Variants in KIRREL1 observed in about 807,000 individuals in gnomAD.
KIRREL1 encodes kin of IRRE-like protein 1.
In KIRREL1, 25 loss-of-function variants were observed where a neutral mutation model predicts 83.3. That is an observed-to-expected ratio of 0.30 (90% CI 0.22 to 0.42). The LOEUF is 0.42. Among genes scored for constraint, KIRREL1 ranks in the 10% least tolerant of loss-of-function variants. The pLI, the probability that KIRREL1 is intolerant of heterozygous loss-of-function variation, is 1.00. For synonymous variants in KIRREL1, 388 were observed against 410.4 expected (o/e 0.95, Z 0.66); for missense variants, 812 against 1,032.3 (o/e 0.79, Z 2.92).
At chr1:158,039,851 G>A (rs957162977) in intron 1 of KIRREL1, among the ~76,000 whole-genome samples, 1 of 152,238 alleles carries the variant, frequency 6.6e-6, no homozygotes, top group Non-Finnish European at 1.5e-5. Context: ...GAGCTTGTCT[G>A]TCTTGTTCTT....
intron 1 of KIRREL1, among the ~76,000 whole-genome samples, chr1:158,075,821 G>A (rs1253897249): frequency 2.0e-5 from 3 of 152,174 alleles, no homozygotes; most frequent in African/African-American, 7.2e-5. Flanking sequence ...AAATGAGAGG[G>A]TTGGACTAGA....
rs141186517 is a variant in KIRREL1 at position 158,001,135 on chromosome 1, C to A, written c.52+7407C>A. Among the ~76,000 whole-genome samples the A allele has an allele frequency of 3.0e-3, 454 of 152,282 alleles. 1 individual carries two copies. The highest frequency in any genetic ancestry group is 0.01 in the African/African-American group (436 of 41,554). ...TGGATGCCTTTTCTTTTTGCCCCTT[C>A]TTTCCTTCTGAGGCAGTCTGAGGAA... On this transcript the variant is annotated intron_variant, in intron 1 of 14. Transcript: ENST00000359209.
intron 11 of KIRREL1, among the ~76,000 whole-genome samples, chr1:158,092,598 C>T (rs932054292): frequency 3.9e-5 from 6 of 152,136 alleles, no homozygotes; most frequent in African/African-American, 1.4e-4. Flanking sequence ...TCACCCACCT[C>T]GGCCTCCCAA....
chr1:158,037,018 G>T lies in KIRREL1; in HGVS notation c.53-39095G>T, dbSNP rs1394374584. 4.6e-5 allele frequency among the ~76,000 whole-genome samples: 7 copies of T among 152,248 alleles called. No homozygotes were observed. The South Asian group carries it at 1.5e-3, about 32-fold the overall frequency. ...GGACAGTCTCAGCTGGGCCCTTCAG[G>T]GCCTCCCGTGTCTCCTTTGGTTCTC... On this transcript the variant is annotated intron_variant, in intron 1 of 14. Coordinates refer to ENST00000359209, the MANE Select transcript of KIRREL1 (RefSeq NM_018240.7).
At chr1:158,004,507 C>A (rs1332308153) in intron 1 of KIRREL1, among the ~76,000 whole-genome samples, 1 of 152,170 alleles carries the variant, frequency 6.6e-6, no homozygotes, top group African/African-American at 2.4e-5. Flanking sequence ...TGTCTTGGAT[C>A]TGGAAACTGA....
chr1:157,996,470 TG>T (rs1659206688), intron 1 of KIRREL1, among the ~76,000 whole-genome samples: 1 of 151,890 alleles, frequency 6.6e-6, no homozygotes, highest in Non-Finnish European at 1.5e-5. Context: ...GGGATGGATG[TG>T]GGGGCAGGAG....
chr1:158,063,173 T>A (rs1417033440), intron 1 of KIRREL1, among the ~76,000 whole-genome samples: 1 of 152,222 alleles, frequency 6.6e-6, no homozygotes, highest in African/African-American at 2.4e-5. Flanking sequence ...ATACCTACTC[T>A]GTGGCAAGCA....
At chr1:158,057,046 C>T (rs941992012) in intron 1 of KIRREL1, among the ~76,000 whole-genome samples, 7 of 152,162 alleles carry the variant, frequency 4.6e-5, no homozygotes, top group Non-Finnish European at 5.9e-5. Flanking sequence ...TTCCTTCCTT[C>T]GTTCATTCAT....
intron 1 of KIRREL1, among the ~76,000 whole-genome samples, chr1:158,007,649 A>G (rs1054845446): frequency 6.6e-6 from 1 of 152,014 alleles, no homozygotes; most frequent in Non-Finnish European, 1.5e-5. Flanking sequence ...CAGCATGGGC[A>G]GCCTGTCCTG....
intron 1 of KIRREL1, among the ~76,000 whole-genome samples, chr1:158,062,597 C>G (rs1181347812): frequency 6.6e-6 from 1 of 152,234 alleles, no homozygotes; most frequent in Non-Finnish European, 1.5e-5. Flanking sequence ...CAGAAAGTGC[C>G]TCGTTCTCCC....
chr1:158,038,584 C>A (rs917427933), intron 1 of KIRREL1, among the ~76,000 whole-genome samples: 24 of 151,132 alleles, frequency 1.6e-4, no homozygotes, highest in East Asian at 5.8e-4. Context: ...CTTGGCCCCC[C>A]CAAAACACTG....
chr1:158,031,254 AAAT>A (rs1372824473), intron 1 of KIRREL1: 1 of 152,156 alleles, frequency 6.6e-6, no homozygotes, highest in East Asian at 1.9e-4. Flanking sequence ...TCCTAATATC[AAAT>A]AATAACTAGG....
At chr1:158,075,609 T>C (rs750869941) in intron 1 of KIRREL1, among the ~76,000 whole-genome samples, 1 of 152,028 alleles carries the variant, frequency 6.6e-6, no homozygotes, top group African/African-American at 2.4e-5. Flanking sequence ...TGCACATGAG[T>C]GTTGGTTCAC....
chr1:158,074,588 A>AC (rs1490894201), intron 1 of KIRREL1, among the ~76,000 whole-genome samples: 2 of 152,210 alleles, frequency 1.3e-5, no homozygotes, highest in African/African-American at 4.8e-5. Context: ...GAGAGAGGAA[A>AC]CCCCGTACAT....
At position 158,076,169 on chromosome 1, in the gene KIRREL1, C is replaced by A. The variant is rs771052077; in HGVS notation, c.109C>A (p.Arg37=). ...TGACCAGACGGTGGTGGCTGGACAG[C>A]GGGCCGTGCTCCCCTGTGTGCTGCT... ...PADQTVVAGQ[R]AVLPCVLLNY... Residue 37 remains arginine, a synonymous_variant, in exon 2 of 15, where the codon CGG becomes AGG. Transcript: ENST00000359209. 2 of 1,614,002 alleles carry A rather than the reference C, an allele frequency of 1.2e-6. No individual in the cohort carries two copies. Among genetic ancestry groups the A allele is most frequent in the African/African-American group, 2.7e-5 (2 of 74,936 alleles).
chr1:158,093,582 C>A lies in KIRREL1; in HGVS notation c.1580-41C>A, dbSNP rs768883483. On this transcript the variant is annotated intron_variant, in intron 12 of 14. Transcript: ENST00000359209. ...AGCCAGAAGCAGCCGCTGCAGAGAC[C>A]AGCAGGAAGCACTTGTTCCAGGCTG... 1.9e-6 allele frequency: 3 copies of A among 1,613,072 alleles called. No individual in the cohort carries two copies. The African/African-American group carries it at 4.0e-5, about 22-fold the overall frequency.
chr1:158,057,238 C>G (rs1487113428), intron 1 of KIRREL1, among the ~76,000 whole-genome samples: 1 of 152,016 alleles, frequency 6.6e-6, no homozygotes. Flanking sequence ...TTTGGGGACA[C>G]GTGGGATGGT....
At chr1:158,016,303 CAAA>C (rs10710009) in intron 1 of KIRREL1, among the ~76,000 whole-genome samples, 1 of 145,030 alleles carries the variant, frequency 6.9e-6, no homozygotes. Context: ...GACTCTGTCT[CAAA>C]AAAAAAAAAG....
At chr1:158,004,217 C>T (rs1659451145) in intron 1 of KIRREL1, among the ~76,000 whole-genome samples, 3 of 152,192 alleles carry the variant, frequency 2.0e-5, no homozygotes, top group African/African-American at 7.2e-5. Flanking sequence ...GGAACAGTAT[C>T]TGAAATACAA....
Sources: gnomAD v4.1 joint callset for allele counts (sites outside exome capture counted in the v4.1 genomes callset) on GRCh38, gnomAD v4.1.1 for gene constraint, MANE v1.5 for transcripts, NCBI Gene and HGNC (gene_info 2026-07-23, HGNC 2026-07-21) for gene names.